The following GABRG3 variants were observed in gnomAD, a reference collection of about 807,000 sequenced individuals.
GABRG3 encodes the protein gamma-aminobutyric acid type A receptor subunit gamma3.
Under a neutral mutation model 48.8 loss-of-function variants are expected in GABRG3, and 25 were observed. The ratio of observed to expected loss-of-function variants is 0.51; its 90% confidence interval spans 0.37 to 0.72. The LOEUF (loss-of-function observed/expected upper bound fraction) is 0.72, where lower values mean the gene tolerates loss of function less well. Among genes scored for constraint, GABRG3 ranks in the 30% least tolerant of loss-of-function variants. GABRG3 has a pLI of 0.00. For synonymous variants in GABRG3, 227 were observed against 217.6 expected, an observed-to-expected ratio of 1.04 and a Z score of -0.38; for missense variants, 394 against 577.9, an observed-to-expected ratio of 0.68 and a Z score of 3.26.
At position 27,328,901 on chromosome 15, in the gene GABRG3, C is replaced by T; in HGVS notation, c.574+13C>T. On this transcript the variant is annotated intron_variant, in intron 5 of 9. Coordinates refer to ENST00000615808, the MANE Select transcript of GABRG3 (RefSeq NM_033223.5). ...ATTTTCTCCAGCTGTGAGTACCAGT[C>T]CAAGCCCGGGGTGTGCATGCTGTGT... is the stretch of plus-strand genomic sequence containing the variant. The T allele has an allele frequency of 6.2e-7, 1 of 1,611,186 alleles. No individual in the cohort carries two copies. The highest frequency in any genetic ancestry group is 8.5e-7 in the Non-Finnish European group (1 of 1,177,338).
chr15:27,420,521 A>G (rs1315470219), intron 5 of GABRG3, among the ~76,000 whole-genome samples: 2 of 152,194 alleles, frequency 1.3e-5, no homozygotes, highest in Non-Finnish European at 2.9e-5. Flanking sequence ...CTAAGAGAGT[A>G]GATCTTAAGA....
intron 3 of GABRG3, among the ~76,000 whole-genome samples, chr15:27,061,659 G>A (rs1040465528): frequency 6.6e-6 from 1 of 151,908 alleles, no homozygotes; most frequent in Non-Finnish European, 1.5e-5. Context: ...TGATTGATGG[G>A]GCAAGTCTCC....
At chr15:27,135,270 C>T (rs1276525243) in intron 3 of GABRG3, among the ~76,000 whole-genome samples, 3 of 152,136 alleles carry the variant, frequency 2.0e-5, no homozygotes, top group African/African-American at 7.2e-5. Context: ...AGGAACTGAT[C>T]TTAATCAAGC....
intron 6 of GABRG3, among the ~76,000 whole-genome samples, chr15:27,502,666 C>T (rs1054224349): frequency 4.6e-5 from 7 of 152,336 alleles, no homozygotes; most frequent in East Asian, 1.9e-4. Context: ...TTCTGACCAA[C>T]GGGCTTCAAG....
chr15:27,133,157 AT>A (rs531539511), intron 3 of GABRG3, among the ~76,000 whole-genome samples: 95 of 151,664 alleles, frequency 6.3e-4, no homozygotes, highest in Middle Eastern at 6.8e-3. Context: ...TATTATTGAG[AT>A]TTTTTTCCCT....
chr15:26,977,024 G>A lies in GABRG3; in HGVS notation c.76G>A (p.Glu26Lys). The A allele has an allele frequency of 6.2e-7, 1 of 1,613,902 alleles. No individual in the cohort carries two copies. Among genetic ancestry groups the A allele is most frequent in the Non-Finnish European group, 8.5e-7 (1 of 1,179,880 alleles). Residue 26 changes from glutamate (E) to lysine (K), a missense_variant, in exon 2 of 10, where the codon GAA becomes AAA. Glu to Lys is a moderately conservative substitution (Grantham distance 56, BLOSUM62 1). Around this residue, in one of 3 missense-constraint regions of GABRG3, gnomAD observed 218 missense variants for 309.9 expected, o/e 0.70. Transcript: ENST00000615808. Reference sequence around the variant, plus strand: ...CAGGTCCAGAAAGGTGGAAGAGGATGAATATGAAGATTCATCATCAAACCA... The same window carrying A: ...CAGGTCCAGAAAGGTGGAAGAGGATAAATATGAAGATTCATCATCAAACCA... ...HARSRKVEED[E>K]YEDSSSNQKW...
rs147630889 is a variant in GABRG3, at chr15:27,093,442, A to G, written c.270+66621A>G. On this transcript the variant is annotated intron_variant, in intron 3 of 9. Transcript: ENST00000615808. ...GAGAGTCAGCTGTCATGACATCGTA[A>G]GTACTGTTTGTTATGAGCTGCTAAG... 2.9e-3 allele frequency among the ~76,000 whole-genome samples: 443 copies of G among 152,226 alleles called. 4 individuals carry two copies. Among genetic ancestry groups the G allele is most frequent in the African/African-American group, 0.01 (436 of 41,542 alleles).
chr15:27,445,503 C>T (rs534201716), intron 5 of GABRG3, among the ~76,000 whole-genome samples: 70 of 152,140 alleles, frequency 4.6e-4, no homozygotes, highest in Non-Finnish European at 9.8e-4. Context: ...TATCTATTCC[C>T]ATCTGCTGAC....
At chr15:26,972,639 A>G (rs1260759229) in intron 1 of GABRG3, among the ~76,000 whole-genome samples, 1 of 152,134 alleles carries the variant, frequency 6.6e-6, no homozygotes, top group African/African-American at 2.4e-5. Flanking sequence ...CCTTGCGTGC[A>G]CAAGCCTGGC....
chr15:27,403,917 AAAAAAAAAAAAC>A lies in GABRG3; in HGVS notation c.574+75041_574+75052del, dbSNP rs1566825922. Among the ~76,000 whole-genome samples the A allele has an allele frequency of 2.5e-4, 33 of 129,852 alleles. 1 individual carries two copies. The highest frequency in any genetic ancestry group is 1.1e-3 in the African/African-American group (31 of 27,898). 85.2% of individuals were successfully genotyped at this position (129,852 alleles called of 152,430 possible). On this transcript the variant is annotated intron_variant, in intron 5 of 9. Transcript: ENST00000615808. ...CAAAGCCAGACTCAAAAAAAAACAAAAAAAAAAAAAACAAAAAAAAAAAACCGGGCTTGGTAG... is the reference window on the plus strand; with the variant it reads ...CAAAGCCAGACTCAAAAAAAAACAAAAAAAAAAAAAAACCGGGCTTGGTAG...
chr15:27,051,988 C>T (rs902169120), intron 3 of GABRG3, among the ~76,000 whole-genome samples: 2 of 152,174 alleles, frequency 1.3e-5, no homozygotes, highest in Non-Finnish European at 2.9e-5. Flanking sequence ...TGCCACTGAT[C>T]TGACAGGAGG....
intron 5 of GABRG3, among the ~76,000 whole-genome samples, chr15:27,368,757 C>A (rs897833018): frequency 3.9e-5 from 6 of 152,120 alleles, no homozygotes; most frequent in Non-Finnish European, 8.8e-5. Flanking sequence ...AGTAGACATG[C>A]TTGGGAAGAA....
At chr15:27,324,679 T>C (rs1294276599) in intron 3 of GABRG3, among the ~76,000 whole-genome samples, 1 of 152,200 alleles carries the variant, frequency 6.6e-6, no homozygotes, top group Admixed American at 6.5e-5. Context: ...CAGAACTTCC[T>C]TAAAACCGAG....
intron 3 of GABRG3, among the ~76,000 whole-genome samples, chr15:27,143,235 C>A (rs942296951): frequency 1.3e-5 from 2 of 152,116 alleles, no homozygotes; most frequent in East Asian, 3.9e-4. Context: ...TGTGCCACCA[C>A]GCCTGGATAA....
At chr15:27,170,123 A>G (rs1341649621) in intron 3 of GABRG3, among the ~76,000 whole-genome samples, 1 of 152,238 alleles carries the variant, frequency 6.6e-6, no homozygotes, top group Non-Finnish European at 1.5e-5. Context: ...ACGGGAGCCT[A>G]CTGAAGGAGT....
At chr15:27,298,558 C>T (rs1848073650) in intron 3 of GABRG3, among the ~76,000 whole-genome samples, 1 of 152,036 alleles carries the variant, frequency 6.6e-6, no homozygotes, top group African/African-American at 2.4e-5. Flanking sequence ...CATAGCATGG[C>T]TAACTGTGGG....
At chr15:27,339,746 T>C (rs1894102228) in intron 5 of GABRG3, among the ~76,000 whole-genome samples, 1 of 152,218 alleles carries the variant, frequency 6.6e-6, no homozygotes, top group Non-Finnish European at 1.5e-5. Flanking sequence ...GTTATTTTAT[T>C]CCAGCTTTAG....
In GABRG3 at chr15:27,501,238, A is replaced by C. The variant is rs1009422505; in HGVS notation, c.713-18734A>C. ...AGTGCTAGGATTACAGGCGTGAGCC[A>C]CCGTGCCCGGCCAAAGTAATGTATG... On this transcript the variant is annotated intron_variant, in intron 6 of 9. Coordinates refer to ENST00000615808, the MANE Select transcript of GABRG3 (RefSeq NM_033223.5). Among the ~76,000 whole-genome samples, 6 of 152,172 alleles carry C rather than the reference A, an allele frequency of 3.9e-5. No homozygotes were observed. In the South Asian group the frequency reaches 1.2e-3, roughly 32 times the overall value.
intron 3 of GABRG3, among the ~76,000 whole-genome samples, chr15:27,194,352 C>CCTTACTCTTA (rs1321743962): frequency 6.6e-6 from 1 of 152,170 alleles, no homozygotes; most frequent in Admixed American, 6.5e-5. Context: ...TTACATATTT[C>CCTTACTCTTA]CATACTCTTC....
Sources: gnomAD v4.1 joint callset for allele counts (sites outside exome capture counted in the v4.1 genomes callset) on GRCh38, gnomAD v4.1.1 for gene constraint, gnomAD v4.1.1 regional missense constraint, MANE v1.5 for transcripts, NCBI Gene and HGNC (gene_info 2026-07-23, HGNC 2026-07-21) for gene names.